Variants in TNNI3K observed in about 807,000 individuals in gnomAD.
TNNI3K encodes the protein serine/threonine-protein kinase TNNI3K.
In TNNI3K, 140 loss-of-function variants were observed where a neutral mutation model predicts 114.5. That is an observed-to-expected ratio of 1.22 (90% CI 1.07 to 1.41). The LOEUF is 1.41. Among genes scored for constraint, TNNI3K ranks in the 40% most tolerant of loss-of-function variants. The pLI, the probability that TNNI3K is intolerant of heterozygous loss-of-function variation, is 0.00. For synonymous variants in TNNI3K, 347 were observed against 347.5 expected (o/e 1.00, Z 0.02); for missense variants, 1,125 against 1,007.6 (o/e 1.12, Z -1.58).
At chr1:74,480,516 G>A in intron 21 of TNNI3K, 1 of 717,504 alleles carries the variant, frequency 1.4e-6, no homozygotes, top group Non-Finnish European at 2.6e-6. Flanking sequence ...TGTAGTTGAG[G>A]CAGGGGCCGG....
intron 21 of TNNI3K, chr1:74,470,817 G>T (rs1157221184): frequency 2.5e-6 from 1 of 400,504 alleles, no homozygotes; most frequent in African/African-American, 2.1e-5. Flanking sequence ...TGTCAGTCTT[G>T]TGAGCATCTA....
chr1:74,523,418 C>T (rs1646461475), intron 23 of TNNI3K, among the ~76,000 whole-genome samples: 1 of 151,264 alleles, frequency 6.6e-6, no homozygotes, highest in Non-Finnish European at 1.5e-5. Flanking sequence ...TTCAAACATA[C>T]TTGGCTGATG....
At chr1:74,370,488 C>G in intron 17 of TNNI3K, 96 bp downstream of exon 17, 1 of 1,068,588 alleles carries the variant, frequency 9.4e-7, no homozygotes. Context: ...TATTGCAGAT[C>G]AGGGTACTCT....
At position 74,505,810 on chromosome 1, in the gene TNNI3K, AT is replaced by A. The variant is rs150666722; in HGVS notation, c.2351+13546del. ...GACCCAGGAAGAAAATAACTCCTGA[AT>A]TAACCAAAGTGGAATGAAAATCTTC... is the stretch of plus-strand genomic sequence containing the variant. On this transcript the variant is annotated intron_variant, in intron 23 of 24. Coordinates refer to ENST00000326637, the MANE Select transcript of TNNI3K (RefSeq NM_015978.3). 1.3e-3 allele frequency among the ~76,000 whole-genome samples: 194 copies of A among 152,340 alleles called. 1 individual carries two copies. The highest frequency in any genetic ancestry group is 4.4e-3 in the African/African-American group (185 of 41,582).
chr1:74,289,420 A>G (rs1232116495), intron 5 of TNNI3K, among the ~76,000 whole-genome samples: 3 of 152,024 alleles, frequency 2.0e-5, no homozygotes, highest in South Asian at 4.1e-4. Flanking sequence ...CCCTAACAAA[A>G]GAGAGTAATG....
intron 2 of TNNI3K, among the ~76,000 whole-genome samples, chr1:74,247,614 A>G (rs1654657599): frequency 6.6e-6 from 1 of 152,066 alleles, no homozygotes; most frequent in Admixed American, 6.6e-5. Flanking sequence ...TGCATTTACA[A>G]TCCCTGAGCT....
At chr1:74,489,273 T>C (rs781057284) in intron 22 of TNNI3K, 25 bp downstream of exon 22, 5 of 1,601,020 alleles carry the variant, frequency 3.1e-6, no homozygotes, top group Admixed American at 3.5e-5. Context: ...TTCTGAAATA[T>C]GTCCATAAAA....
intron 5 of TNNI3K, among the ~76,000 whole-genome samples, chr1:74,315,230 G>T (rs1464636069): frequency 2.0e-5 from 3 of 152,114 alleles, no homozygotes; most frequent in Non-Finnish European, 4.4e-5. Flanking sequence ...CTTTAGAAGA[G>T]AAAAAGTGAC....
intron 23 of TNNI3K, among the ~76,000 whole-genome samples, chr1:74,516,725 C>T: frequency 6.6e-6 from 1 of 152,134 alleles, no homozygotes; most frequent in East Asian, 1.9e-4. Context: ...TTCCCCATCA[C>T]TAATTCCAGC....
rs749359141 is a variant in TNNI3K at position 74,480,939 on chromosome 1, T to C, written c.2122-8250T>C. Reference sequence around the variant, plus strand: ...ATAGAGGAGAGATATCCATCGGTGATGATTAAAACCCTCGTGGTCATAGGG... The same window carrying C: ...ATAGAGGAGAGATATCCATCGGTGACGATTAAAACCCTCGTGGTCATAGGG... On this transcript the variant is annotated intron_variant, in intron 21 of 24. Transcript: ENST00000326637. The C allele has an allele frequency of 2.4e-5, 17 of 716,678 alleles. 1 individual carries two copies. The highest frequency in any genetic ancestry group is 1.9e-4 in the South Asian group (13 of 67,526). The allele number at this position is 716,678 out of a possible 1,614,324, so 44.4% of individuals were successfully genotyped here. A position where few individuals can be genotyped will look rare whatever the true frequency, so the allele number is the denominator to read the frequency against.
chr1:74,349,972 G>A (rs1406056858), intron 9 of TNNI3K, among the ~76,000 whole-genome samples: 1 of 151,942 alleles, frequency 6.6e-6, no homozygotes, highest in South Asian at 2.1e-4. Flanking sequence ...TCCATTTCCT[G>A]CAGTTCTGCT....
At chr1:74,249,605 G>T (rs1376890383) in intron 3 of TNNI3K, 61 bp downstream of exon 3, 3 of 1,537,008 alleles carry the variant, frequency 2.0e-6, no homozygotes, top group Non-Finnish European at 1.8e-6. Context: ...TCAGTGACTT[G>T]AGCTGCTTAA....
chr1:74,321,150 G>A lies in TNNI3K; in HGVS notation c.445-10300G>A, dbSNP rs369847486. 1.5e-4 allele frequency among the ~76,000 whole-genome samples: 23 copies of A among 152,216 alleles called. No individual in the cohort carries two copies. The East Asian group carries it at 3.9e-3, about 26-fold the overall frequency. ...GGTCATAGCATCATGAACATTGAAA[G>A]CCTGTTTTCTCAGCCAGGGACTTTA... On this transcript the variant is annotated intron_variant, in intron 5 of 24. Coordinates refer to ENST00000326637, the MANE Select transcript of TNNI3K (RefSeq NM_015978.3).
intron 6 of TNNI3K, among the ~76,000 whole-genome samples, chr1:74,334,935 G>A (rs1156756942): frequency 6.6e-6 from 1 of 152,124 alleles, no homozygotes; most frequent in South Asian, 2.1e-4. Context: ...ACTAAAGAGA[G>A]CAAATGACAA....
At chr1:74,494,123 C>T (rs182488479) in intron 23 of TNNI3K, among the ~76,000 whole-genome samples, 2 of 152,188 alleles carry the variant, frequency 1.3e-5, no homozygotes, top group East Asian at 1.9e-4. Flanking sequence ...AATCTTTCTC[C>T]GTCCACGTGA....
At chr1:74,461,964 A>G (rs754790405) in intron 20 of TNNI3K, among the ~76,000 whole-genome samples, 12 of 152,242 alleles carry the variant, frequency 7.9e-5, no homozygotes, top group Non-Finnish European at 1.8e-4. Context: ...ATAACATGAG[A>G]AAATGCTTCA....
At chr1:74,243,681 AG>A (rs1654383675) in intron 2 of TNNI3K, among the ~76,000 whole-genome samples, 1 of 152,182 alleles carries the variant, frequency 6.6e-6, no homozygotes, top group Non-Finnish European at 1.5e-5. Flanking sequence ...TCTAGGTCAA[AG>A]GTAAAGGCTA....
chr1:74,236,133 T>C lies in TNNI3K; in HGVS notation c.72T>C (p.Tyr24=). The part of the protein sequence containing the change: ...DEWKKKVSES[Y]VITIERLEDD... Reference sequence around the variant, plus strand: ...GGAAGAAAAAAGTCAGTGAATCATATGTTATCACAATAGAAAGATTAGAAG... The same window carrying C: ...GGAAGAAAAAAGTCAGTGAATCATACGTTATCACAATAGAAAGATTAGAAG... Residue 24 remains tyrosine, a synonymous_variant, in exon 2 of 25, where the codon TAT becomes TAC. Coordinates refer to ENST00000326637, the MANE Select transcript of TNNI3K (RefSeq NM_015978.3). 1 of 1,608,164 alleles carries C rather than the reference T, an allele frequency of 6.2e-7. No homozygotes were observed. The highest frequency in any genetic ancestry group is 1.1e-5 in the South Asian group (1 of 90,698).
chr1:74,246,834 T>A (rs1654591044), intron 2 of TNNI3K, among the ~76,000 whole-genome samples: 1 of 152,210 alleles, frequency 6.6e-6, no homozygotes, highest in Admixed American at 6.5e-5. Flanking sequence ...TTTTGCTGTT[T>A]TCAAAGTGGA....
Sources: allele counts gnomAD v4.1 joint callset (sites outside exome capture counted in the v4.1 genomes callset), GRCh38; gene constraint gnomAD v4.1.1; transcripts MANE v1.5; gene names NCBI Gene and HGNC (gene_info 2026-07-23, HGNC 2026-07-21).